SFXN1: variants seen among roughly 807,000 people sequenced by gnomAD.
SFXN1 encodes sideroflexin 1.
In SFXN1, 32 loss-of-function variants were observed where a neutral mutation model predicts 39.5. That is an observed-to-expected ratio of 0.81 (90% CI 0.61 to 1.09). SFXN1 has a LOEUF of 1.09. Among genes scored for constraint, SFXN1 ranks in the 50% least tolerant of loss-of-function variants. SFXN1 has a pLI of 0.00. For synonymous variants in SFXN1, 136 were observed against 146.5 expected (o/e 0.93, Z 0.52); for missense variants, 402 against 407.1 (o/e 0.99, Z 0.11).
At chr5:175,521,722 G>A (rs1250474068) in intron 8 of SFXN1, among the ~76,000 whole-genome samples, 197 bp from the exon 9 acceptor site, 3 of 152,212 alleles carry the variant, frequency 2.0e-5, no homozygotes, top group Non-Finnish European at 4.4e-5. Context: ...ATCTTTGCGT[G>A]TGTGCTGATT....
intron 1 of SFXN1, among the ~76,000 whole-genome samples, chr5:175,484,770 G>A (rs755500124): frequency 6.6e-6 from 1 of 152,218 alleles, no homozygotes; most frequent in Non-Finnish European, 1.5e-5. Context: ...ATGTTGCCCA[G>A]TGTGGTCTCC....
intron 4 of SFXN1, 140 bp downstream of exon 4, chr5:175,510,347 C>G (rs1581309235): frequency 3.0e-6 from 2 of 664,352 alleles, no homozygotes; most frequent in East Asian, 2.9e-5. Context: ...TTTTTTGTAG[C>G]TTTTTTCTTT....
intron 8 of SFXN1, among the ~76,000 whole-genome samples, chr5:175,520,887 G>T (rs1253562651): frequency 2.0e-5 from 3 of 152,042 alleles, no homozygotes; most frequent in Admixed American, 1.3e-4. Context: ...GAGGAGAGGG[G>T]CCCCTCTGTG....
At chr5:175,479,502 C>T (rs1229125807) in intron 1 of SFXN1, among the ~76,000 whole-genome samples, 1 of 152,196 alleles carries the variant, frequency 6.6e-6, no homozygotes, top group Non-Finnish European at 1.5e-5. Flanking sequence ...TTGCACCCCC[C>T]ATCCCCCCAC....
At chr5:175,481,158 G>T (rs1759234738) in intron 1 of SFXN1, among the ~76,000 whole-genome samples, 1 of 152,088 alleles carries the variant, frequency 6.6e-6, no homozygotes, top group Non-Finnish European at 1.5e-5. Context: ...ATTTTTTGCA[G>T]GCTGATATCA....
chr5:175,498,307 G>T (rs1759943037), intron 2 of SFXN1, among the ~76,000 whole-genome samples: 1 of 152,136 alleles, frequency 6.6e-6, no homozygotes, highest in Non-Finnish European at 1.5e-5. Context: ...GCTGGATACT[G>T]ACGGCTTTAA....
intron 8 of SFXN1, among the ~76,000 whole-genome samples, chr5:175,520,026 T>C (rs1324377984): frequency 6.6e-6 from 1 of 151,716 alleles, no homozygotes; most frequent in East Asian, 1.9e-4. Flanking sequence ...TGTACCACCA[T>C]GCCTAGCTAA....
chr5:175,488,864 G>C (rs781164883), intron 1 of SFXN1, among the ~76,000 whole-genome samples: 28 of 152,088 alleles, frequency 1.8e-4, no homozygotes, highest in Non-Finnish European at 3.7e-4. Flanking sequence ...TCCTGTTCTG[G>C]GGTATTTTTG....
chr5:175,499,884 A>G lies in SFXN1; in HGVS notation c.164+7617A>G, dbSNP rs949565882. Among the ~76,000 whole-genome samples the G allele has an allele frequency of 2.1e-4, 32 of 152,246 alleles. 1 individual carries two copies. The highest frequency in any genetic ancestry group is 7.0e-4 in the African/African-American group (29 of 41,456). On this transcript the variant is annotated intron_variant, in intron 2 of 10. Transcript: ENST00000321442. Reference sequence around the variant, plus strand: ...TTCCTTATTCACAGAAAACGTGATCATCTATATAGAAAGAATTTACCAGGC... The same window carrying G: ...TTCCTTATTCACAGAAAACGTGATCGTCTATATAGAAAGAATTTACCAGGC...
At chr5:175,522,194 C>G (rs1002272079) in intron 9 of SFXN1, among the ~76,000 whole-genome samples, 181 bp from the exon 10 acceptor site, 2 of 152,082 alleles carry the variant, frequency 1.3e-5, no homozygotes, top group Non-Finnish European at 2.9e-5. Flanking sequence ...GTCTCTGTGA[C>G]TTTTTCATTA....
rs1193050362 is a variant in SFXN1 at position 175,527,037 on chromosome 5, G to A, written c.*303G>A. ...CCAGGTTTTAAAAAAGCACTGGTAG[G>A]CATAGAATAGGTGCTCAGTATATGG... On this transcript the variant is annotated 3_prime_UTR_variant, in exon 11 of 11. Transcript: ENST00000321442. 9 of 362,526 alleles carry A rather than the reference G, an allele frequency of 2.5e-5. No individual in the cohort carries two copies. The highest frequency in any genetic ancestry group is 4.5e-5 in the South Asian group (1 of 22,464). The allele number at this position is 362,526 out of a possible 1,614,324, so 22.5% of individuals were successfully genotyped here.
At chr5:175,495,383 T>C (rs55682434) in intron 2 of SFXN1, among the ~76,000 whole-genome samples, 55,107 of 152,110 alleles carry the variant, frequency 0.36, 11,549 homozygotes, top group Non-Finnish European at 0.48. Flanking sequence ...ATAGTGGTGA[T>C]GACCACACAA....
At position 175,493,246 on chromosome 5, in the gene SFXN1, C is replaced by T. The variant is rs546081534; in HGVS notation, c.164+979C>T. On this transcript the variant is annotated intron_variant, in intron 2 of 10. Transcript: ENST00000321442. Reference sequence around the variant, plus strand: ...CTGCACTCCAGCCTGGGCGACAGAGCGAAACTCCATCTAAAAAAAAAAAAA... The same window carrying T: ...CTGCACTCCAGCCTGGGCGACAGAGTGAAACTCCATCTAAAAAAAAAAAAA... Among the ~76,000 whole-genome samples, 26 of 150,940 alleles carry T rather than the reference C, an allele frequency of 1.7e-4. No homozygotes were observed. In the East Asian group the frequency reaches 3.3e-3, roughly 19 times the overall value.
At chr5:175,521,048 A>T (rs1760864849) in intron 8 of SFXN1, among the ~76,000 whole-genome samples, 1 of 151,986 alleles carries the variant, frequency 6.6e-6, no homozygotes, top group Non-Finnish European at 1.5e-5. Context: ...TTGTCTTCTA[A>T]CAGCTTGTGT....
intron 2 of SFXN1, among the ~76,000 whole-genome samples, chr5:175,501,617 T>A (rs1457026123): frequency 6.6e-6 from 1 of 152,198 alleles, no homozygotes; most frequent in Non-Finnish European, 1.5e-5. Context: ...TCACTTGAAC[T>A]ATATCCATCC....
intron 2 of SFXN1, among the ~76,000 whole-genome samples, chr5:175,493,403 G>T (rs1007752639): frequency 6.6e-6 from 1 of 152,228 alleles, no homozygotes; most frequent in African/African-American, 2.4e-5. Context: ...AACATGCCCA[G>T]AAGTGACACA....
chr5:175,499,316 A>G (rs1186120600), intron 2 of SFXN1, among the ~76,000 whole-genome samples: 1 of 152,140 alleles, frequency 6.6e-6, no homozygotes, highest in Non-Finnish European at 1.5e-5. Flanking sequence ...GAGTCAGGAA[A>G]CACTTCATTA....
chr5:175,502,865 A>T (rs887482331), intron 2 of SFXN1, among the ~76,000 whole-genome samples: 2 of 151,740 alleles, frequency 1.3e-5, no homozygotes, highest in Admixed American at 6.6e-5. Flanking sequence ...TAATAATAAT[A>T]AATAAATAAA....
At position 175,522,433 on chromosome 5, in the gene SFXN1, G is replaced by A. The variant is rs1192927774; in HGVS notation, c.872+11G>A. 10 of 1,610,972 alleles carry A rather than the reference G, an allele frequency of 6.2e-6. No homozygotes were observed. The highest frequency in any genetic ancestry group is 1.3e-5 in the African/African-American group (1 of 74,786). ...GTTTCCTCAGAAAAGGTATGTATTTGTTATTCGTCAGAATCATCATGAGTA... is the reference window on the plus strand; with the variant it reads ...GTTTCCTCAGAAAAGGTATGTATTTATTATTCGTCAGAATCATCATGAGTA... On this transcript the variant is annotated intron_variant, in intron 10 of 10. Transcript: ENST00000321442.
Sources: gnomAD v4.1 joint callset for allele counts (sites outside exome capture counted in the v4.1 genomes callset) on GRCh38, gnomAD v4.1.1 for gene constraint, MANE v1.5 for transcripts, NCBI Gene and HGNC (gene_info 2026-07-23, HGNC 2026-07-21) for gene names.